Variants in NIF3L1 observed in about 807,000 individuals in gnomAD.
The protein encoded by NIF3L1 is NIF3-like protein 1.
NIF3L1 carries 26 observed loss-of-function variants against 35.0 expected under a neutral mutation model. The observed-to-expected ratio is 0.74, with a 90% CI of 0.54 to 1.03. The LOEUF (loss-of-function observed/expected upper bound fraction) is 1.03. NIF3L1 is among the 50% of genes least tolerant of loss of function. The pLI, the probability that NIF3L1 is intolerant of heterozygous loss-of-function variation, is 0.00. For synonymous variants in NIF3L1, 157 were observed against 178.9 expected (o/e 0.88, Z 0.98); for missense variants, 449 against 466.3 (o/e 0.96, Z 0.34).
In NIF3L1 at chr2:200,891,283, T is replaced by C. The variant is rs142078193; in HGVS notation, c.-26-635T>C. Among the ~76,000 whole-genome samples the C allele has an allele frequency of 5.3e-3, 811 of 152,312 alleles. 7 individuals carry two copies. Among genetic ancestry groups the C allele is most frequent in the South Asian group, 0.031 (149 of 4,830 alleles). ...TTGGTAAAGCACATTGTAATGCCAGTATATACCACCCCAACTCCAAATTCT... is the reference window on the plus strand; with the variant it reads ...TTGGTAAAGCACATTGTAATGCCAGCATATACCACCCCAACTCCAAATTCT... On this transcript the variant is annotated intron_variant, in intron 1 of 6. Coordinates refer to ENST00000409020, the MANE Select transcript of NIF3L1 (RefSeq NM_001369441.2).
chr2:200,897,486 AG>A (rs2040337945), intron 5 of NIF3L1, among the ~76,000 whole-genome samples: 1 of 152,084 alleles, frequency 6.6e-6, no homozygotes, highest in African/African-American at 2.4e-5. Context: ...GCTGTTGCAG[AG>A]GGAGGGAGTT....
At chr2:200,902,429 A>G (rs2040423612) in intron 6 of NIF3L1, among the ~76,000 whole-genome samples, 1 of 152,100 alleles carries the variant, frequency 6.6e-6, no homozygotes, top group Non-Finnish European at 1.5e-5. Context: ...TTAGCCAGGC[A>G]TGGTGGTGGG....
chr2:200,891,913 A>G lies in NIF3L1; in HGVS notation c.-26-5A>G. 1.3e-6 allele frequency: 2 copies of G among 1,522,498 alleles called. No homozygotes were observed. Among genetic ancestry groups the G allele is most frequent in the Non-Finnish European group, 1.8e-6 (2 of 1,123,780 alleles). 94.3% of individuals were successfully genotyped at this position (1,522,498 alleles called of 1,614,324 possible). On this transcript the variant is annotated splice_region_variant and splice_polypyrimidine_tract_variant and intron_variant, in intron 1 of 6. Coordinates refer to ENST00000409020, the MANE Select transcript of NIF3L1 (RefSeq NM_001369441.2). ...TGTGTACCATTTTCTTTGTTTTGACATCAGAAACTTGAACTTTACCTGATT... is the reference window on the plus strand; with the variant it reads ...TGTGTACCATTTTCTTTGTTTTGACGTCAGAAACTTGAACTTTACCTGATT...
At chr2:200,900,744 A>G (rs2040398623) in intron 6 of NIF3L1, among the ~76,000 whole-genome samples, 1 of 152,234 alleles carries the variant, frequency 6.6e-6, no homozygotes, top group African/African-American at 2.4e-5. Context: ...TGAAATTTCA[A>G]TATGAATATC....
intron 3 of NIF3L1, among the ~76,000 whole-genome samples, chr2:200,894,273 A>G (rs2124883599): frequency 6.6e-6 from 1 of 152,298 alleles, no homozygotes; most frequent in Admixed American, 6.5e-5. Context: ...CTCAAATTCA[A>G]TGATGTTTTA....
intron 3 of NIF3L1, 76 bp from the exon 4 acceptor site, chr2:200,895,188 A>G: frequency 7.4e-7 from 1 of 1,357,332 alleles, no homozygotes; most frequent in Non-Finnish European, 1.0e-6. Flanking sequence ...CTATTATAGT[A>G]GGTTTGTAAA....
intron 4 of NIF3L1, among the ~76,000 whole-genome samples, chr2:200,895,883 T>C (rs1416000324): frequency 6.6e-6 from 1 of 152,196 alleles, no homozygotes; most frequent in Non-Finnish European, 1.5e-5. Flanking sequence ...CAAGAACCCA[T>C]ATTTTCATCT....
chr2:200,896,935 G>A, intron 4 of NIF3L1, 141 bp from the exon 5 acceptor site: 1 of 788,850 alleles, frequency 1.3e-6, no homozygotes, highest in Non-Finnish European at 2.0e-6. Context: ...ACTCCTAGAA[G>A]AATGATTTTG....
At chr2:200,903,110 A>G (rs1475022075) in intron 6 of NIF3L1, among the ~76,000 whole-genome samples, 1 of 152,110 alleles carries the variant, frequency 6.6e-6, no homozygotes, top group Non-Finnish European at 1.5e-5. Context: ...GAAGCTATTC[A>G]CCTGTCTCAG....
intron 6 of NIF3L1, 115 bp from the exon 7 acceptor site, chr2:200,903,376 TCTG>T (rs2040440404): frequency 1.3e-6 from 1 of 765,392 alleles, no homozygotes; most frequent in African/African-American, 1.8e-5. Flanking sequence ...GTAAAACAGT[TCTG>T]CTCTATTACA....
Position 200,891,959 on chromosome 2 carries a change from G to A in NIF3L1, c.16G>A (p.Val6Ile), listed in dbSNP as rs767365260. The part of the protein sequence containing the change: MLSSC[V>I]RPVPTTVRFV... Reference sequence around the variant, plus strand: ...TGATTTCTGTATGTTGTCATCTTGCGTACGCCCAGTCCCCACGACAGTCCG... The same window carrying A: ...TGATTTCTGTATGTTGTCATCTTGCATACGCCCAGTCCCCACGACAGTCCG... The change falls in exon 2 of 7, where the codon GTA (valine) becomes ATA (isoleucine). Residue 6 changes from valine to isoleucine, a missense_variant. Coordinates refer to ENST00000409020, the MANE Select transcript of NIF3L1 (RefSeq NM_001369441.2). 21 of 1,609,606 alleles carry A rather than the reference G, an allele frequency of 1.3e-5. No individual in the cohort carries two copies. In the African/African-American group the frequency reaches 1.7e-4, roughly 13 times the overall value.
chr2:200,903,654 C>G lies in NIF3L1; in HGVS notation c.1110C>G (p.Asp370Glu). The G allele has an allele frequency of 6.2e-7, 1 of 1,613,048 alleles. No individual in the cohort carries two copies. The highest frequency in any genetic ancestry group is 8.5e-7 in the Non-Finnish European group (1 of 1,178,972). Residue 370 changes from aspartate to glutamate, a missense_variant, in exon 7 of 7, where the codon GAC (aspartate) becomes GAG (glutamate). Transcript: ENST00000409020. ...TAAATATTATCCTATCAGAGACTGA[C>G]AGGGACCCTCTTCAGGTGGTATAAT... ...NKINIILSETDRDPLQVV is the reference protein window; with the variant it reads ...NKINIILSETERDPLQVV
chr2:200,901,014 C>T (rs1429752679), intron 6 of NIF3L1, among the ~76,000 whole-genome samples: 1 of 152,188 alleles, frequency 6.6e-6, no homozygotes, highest in African/African-American at 2.4e-5. Flanking sequence ...TGTATTTCCC[C>T]TAGGACCATT....
At chr2:200,900,244 GAT>G (rs2040391014) in intron 6 of NIF3L1, among the ~76,000 whole-genome samples, 1 of 152,010 alleles carries the variant, frequency 6.6e-6, no homozygotes, top group Non-Finnish European at 1.5e-5. Context: ...TCTCATTTAG[GAT>G]ACTACCTAAT....
At chr2:200,898,205 T>G (rs1392196107) in intron 5 of NIF3L1, among the ~76,000 whole-genome samples, 1 of 152,206 alleles carries the variant, frequency 6.6e-6, no homozygotes, top group Non-Finnish European at 1.5e-5. Flanking sequence ...CACGCTGCTA[T>G]GAAGAAATAC....
Position 200,889,372 on chromosome 2 carries a change from C to T in NIF3L1, c.-307C>T, listed in dbSNP as rs1336802244. ...CGCCGACGCGGGACCGGAAGTGACG[C>T]AGAGAAGTTTCCGGGACTGGTGAGT... On this transcript the variant is annotated 5_prime_UTR_variant, in exon 1 of 7. Transcript: ENST00000409020. The T allele has an allele frequency of 4.1e-5, 12 of 292,214 alleles. No homozygotes were observed. The highest frequency in any genetic ancestry group is 8.2e-5 in the Non-Finnish European group (12 of 146,344). The allele number at this position is 292,214 out of a possible 1,614,324, so 18.1% of individuals were successfully genotyped here.
intron 1 of NIF3L1, among the ~76,000 whole-genome samples, chr2:200,889,949 C>T (rs990721752): frequency 2.0e-5 from 3 of 152,174 alleles, no homozygotes; most frequent in Admixed American, 2.0e-4. Context: ...TTCGCAGTTT[C>T]CTCATCTGTA....
intron 6 of NIF3L1, among the ~76,000 whole-genome samples, chr2:200,903,190 T>C (rs2040436448): frequency 6.6e-6 from 1 of 152,034 alleles, no homozygotes; most frequent in East Asian, 1.9e-4. Context: ...TTAGTAGAGA[T>C]GGAAGTTTCA....
intron 1 of NIF3L1, 145 bp from the exon 2 acceptor site, chr2:200,891,773 T>A: frequency 1.6e-6 from 1 of 608,490 alleles, no homozygotes; most frequent in Non-Finnish European, 2.9e-6. Flanking sequence ...ATGGCTTACC[T>A]AAGTTACAGT....
Sources: gnomAD v4.1 joint callset for allele counts (sites outside exome capture counted in the v4.1 genomes callset) on GRCh38, gnomAD v4.1.1 for gene constraint, MANE v1.5 for transcripts, NCBI Gene and HGNC (gene_info 2026-07-23, HGNC 2026-07-21) for gene names.